The following CSMD1 variants were observed in gnomAD, a reference collection of about 807,000 sequenced individuals.
CSMD1 encodes the protein CUB and Sushi multiple domains 1.
Under a neutral mutation model 417.5 loss-of-function variants are expected in CSMD1, and 213 were observed. That is an observed-to-expected ratio of 0.51 (90% CI 0.46 to 0.57). The LOEUF is 0.57. Ranked by LOEUF, CSMD1 falls within the 20% of genes least tolerant of loss-of-function variation. The probability of loss-of-function intolerance (pLI) is 0.00; values close to 1 mark genes in which losing one functional copy is unlikely to be tolerated. For synonymous variants in CSMD1, 2,862 were observed against 1,736.8 expected (o/e 1.65, Z -16.11); for missense variants, 6,923 against 4,529.7 (o/e 1.53, Z -15.17).
chr8:3,007,288 G>C (rs376837413), intron 52 of CSMD1, among the ~76,000 whole-genome samples: 1 of 151,928 alleles, frequency 6.6e-6, no homozygotes, highest in Admixed American at 6.5e-5. Flanking sequence ...GTGCTGGAGA[G>C]GATGTGGAGA....
At chr8:3,790,685 T>C (rs1464367686) in intron 5 of CSMD1, among the ~76,000 whole-genome samples, 1 of 152,208 alleles carries the variant, frequency 6.6e-6, no homozygotes, top group African/African-American at 2.4e-5. Flanking sequence ...GGGTTTGTTT[T>C]ATCTTTTTGA....
intron 3 of CSMD1, among the ~76,000 whole-genome samples, chr8:4,128,536 T>A (rs566028155): frequency 6.6e-6 from 1 of 152,284 alleles, no homozygotes; most frequent in East Asian, 1.9e-4. Flanking sequence ...CCCTCCTATA[T>A]TCTATTTTTA....
intron 7 of CSMD1, among the ~76,000 whole-genome samples, chr8:3,656,688 G>A (rs1035985614): frequency 5.3e-5 from 8 of 152,152 alleles, no homozygotes; most frequent in African/African-American, 1.9e-4. Context: ...AGCACTTTGG[G>A]AGGCTGAGGC....
intron 2 of CSMD1, among the ~76,000 whole-genome samples, chr8:4,587,391 A>C (rs1799755875): frequency 1.3e-5 from 1 of 76,526 alleles, no homozygotes; most frequent in Non-Finnish European, 2.6e-5. Context: ...ATGTACATAC[A>C]TGTATATGTG....
chr8:4,279,980 G>C (rs754215805), intron 3 of CSMD1, among the ~76,000 whole-genome samples: 1 of 152,214 alleles, frequency 6.6e-6, no homozygotes, highest in Non-Finnish European at 1.5e-5. Flanking sequence ...GGATACTGGT[G>C]TTTCAAACAG....
chr8:3,852,222 C>T (rs1371338975), intron 5 of CSMD1, among the ~76,000 whole-genome samples: 1 of 152,010 alleles, frequency 6.6e-6, no homozygotes, highest in East Asian at 1.9e-4. Context: ...GGAATGGAGG[C>T]GCAGGAACAT....
In CSMD1 at chr8:4,826,297, ATG is replaced by A. The variant is rs1014343426; in HGVS notation, c.85+168033_85+168034del. Among the ~76,000 whole-genome samples, 359 of 152,168 alleles carry A rather than the reference ATG, an allele frequency of 2.4e-3. 5 individuals carry two copies. Among genetic ancestry groups the A allele is most frequent in the Non-Finnish European group, 6.0e-4 (41 of 67,984 alleles). On this transcript the variant is annotated intron_variant, in intron 1 of 69. Transcript: ENST00000635120. ...GACATATACACACATACGTATATGT[ATG>A]TGTGTATATATGTGTGTGTGTGTAT...
At chr8:3,614,451 G>C (rs1802040507) in intron 8 of CSMD1, among the ~76,000 whole-genome samples, 1 of 152,076 alleles carries the variant, frequency 6.6e-6, no homozygotes, top group Non-Finnish European at 1.5e-5. Flanking sequence ...ATGGAGTAAA[G>C]ATTGGCTTAC....
intron 3 of CSMD1, among the ~76,000 whole-genome samples, chr8:4,294,077 G>A (rs536570008): frequency 1.3e-5 from 2 of 152,280 alleles, no homozygotes; most frequent in African/African-American, 2.4e-5. Flanking sequence ...GAAATACTGC[G>A]AAGTTGAAGT....
chr8:4,789,684 A>G (rs764595274), intron 1 of CSMD1, among the ~76,000 whole-genome samples: 1 of 152,168 alleles, frequency 6.6e-6, no homozygotes, highest in Non-Finnish European at 1.5e-5. Flanking sequence ...CATGTTCCAG[A>G]ATGTACTTAT....
chr8:4,021,138 G>T (rs1796768736), intron 4 of CSMD1, among the ~76,000 whole-genome samples: 1 of 152,216 alleles, frequency 6.6e-6, no homozygotes, highest in Non-Finnish European at 1.5e-5. Context: ...GTAGCCTGAA[G>T]TGTATGCAGC....
At chr8:4,407,774 A>C (rs899628664) in intron 3 of CSMD1, among the ~76,000 whole-genome samples, 1 of 152,220 alleles carries the variant, frequency 6.6e-6, no homozygotes, top group African/African-American at 2.4e-5. Flanking sequence ...GTAAATACAG[A>C]AATTTTGATA....
At chr8:4,430,598 G>A (rs1444455274) in intron 2 of CSMD1, among the ~76,000 whole-genome samples, 1 of 151,938 alleles carries the variant, frequency 6.6e-6, no homozygotes, top group East Asian at 1.9e-4. Context: ...TTGCATTCTA[G>A]ACAAGTTTGT....
chr8:3,429,590 C>T (rs188529911), intron 12 of CSMD1, among the ~76,000 whole-genome samples: 209 of 152,224 alleles, frequency 1.4e-3, no homozygotes, highest in Admixed American at 4.1e-3. Flanking sequence ...GAGGGGTCAA[C>T]AATGTTCAAT....
chr8:4,611,059 A>C (rs556378066), intron 2 of CSMD1, among the ~76,000 whole-genome samples: 74 of 152,210 alleles, frequency 4.9e-4, no homozygotes, highest in African/African-American at 1.6e-3. Context: ...ATTTACAAAA[A>C]CTTAAGAAAA....
At chr8:3,544,722 C>T (rs942259641) in intron 10 of CSMD1, among the ~76,000 whole-genome samples, 2 of 152,036 alleles carry the variant, frequency 1.3e-5, no homozygotes, top group Non-Finnish European at 2.9e-5. Context: ...AGACGGGGTT[C>T]AGGGAGACCA....
chr8:4,407,097 G>A (rs1036954165), intron 3 of CSMD1, among the ~76,000 whole-genome samples: 2 of 152,138 alleles, frequency 1.3e-5, no homozygotes, highest in Non-Finnish European at 2.9e-5. Context: ...CTTTCATACT[G>A]TAGCAGCAGA....
rs141119942 is a variant in CSMD1, at chr8:3,360,219, C to G, written c.3116-879G>C. Among the ~76,000 whole-genome samples, 19 of 152,256 alleles carry G rather than the reference C, an allele frequency of 1.2e-4. No individual in the cohort carries two copies. The East Asian group carries it at 3.7e-3, about 29-fold the overall frequency. The stretch of plus-strand genomic sequence containing the variant: ...GATTTTGTACTAAAATTACTATAAA[C>G]CATTCAAGAAGGAAGTGCTAAATAT... On this transcript the variant is annotated intron_variant, in intron 20 of 69. Coordinates refer to ENST00000635120, the MANE Select transcript of CSMD1 (RefSeq NM_033225.6).
chr8:3,190,145 T>C, intron 33 of CSMD1, 30 bp from the exon 34 acceptor site: 1 of 1,540,574 alleles, frequency 6.5e-7, no homozygotes, highest in Non-Finnish European at 8.8e-7. Context: ...CACAGCCGTC[T>C]GTATCTCCAT....
Sources: allele counts gnomAD v4.1 joint callset (sites outside exome capture counted in the v4.1 genomes callset), GRCh38; gene constraint gnomAD v4.1.1; transcripts MANE v1.5; gene names NCBI Gene and HGNC (gene_info 2026-07-23, HGNC 2026-07-21).